Variants in GLIS3 observed in about 807,000 individuals in gnomAD.
The protein encoded by GLIS3 is GLIS family zinc finger 3, also known as zinc finger protein GLIS3.
Under a neutral mutation model 78.6 loss-of-function variants are expected in GLIS3, and 53 were observed. The observed-to-expected ratio is 0.67, with a 90% CI of 0.54 to 0.85. The LOEUF is 0.85. GLIS3 is among the 40% of genes least tolerant of loss of function. The probability of loss-of-function intolerance (pLI) is 0.00; values close to 1 mark genes in which losing one functional copy is unlikely to be tolerated. For missense variants in GLIS3, 1,703 were observed against 1,231.1 expected (o/e 1.38, Z -5.74); for synonymous variants, 684 against 509.9 (o/e 1.34, Z -4.60).
intron 4 of GLIS3, among the ~76,000 whole-genome samples, chr9:3,993,223 C>T (rs1381088502): frequency 6.6e-6 from 1 of 152,168 alleles, no homozygotes; most frequent in Non-Finnish European, 1.5e-5. Flanking sequence ...TCTGCCATTG[C>T]CTCATACTGT....
chr9:4,082,909 A>G (rs1269081771), intron 4 of GLIS3, among the ~76,000 whole-genome samples: 2 of 152,154 alleles, frequency 1.3e-5, no homozygotes, highest in African/African-American at 2.4e-5. Context: ...TCCAAGGCCC[A>G]TGGTCATAAA....
the GLIS3 span, among the ~76,000 whole-genome samples, chr9:4,477,290 A>G: frequency 1.3e-5 from 2 of 151,660 alleles, no homozygotes; most frequent in African/African-American, 4.8e-5. Context: ...GACATGATGC[A>G]AATTGAAATT....
chr9:4,437,870 CTTAG>C, the GLIS3 span, among the ~76,000 whole-genome samples: 382 of 152,210 alleles, frequency 2.5e-3, 3 homozygotes, highest in Non-Finnish European at 3.6e-3. Flanking sequence ...ATAATATTTT[CTTAG>C]TTACTCTATT....
chr9:4,206,217 G>A (rs1453177302), intron 2 of GLIS3, among the ~76,000 whole-genome samples: 1 of 152,144 alleles, frequency 6.6e-6, no homozygotes, highest in Non-Finnish European at 1.5e-5. Context: ...TATTGCAAGT[G>A]AGTATTAGCT....
intron 7 of GLIS3, among the ~76,000 whole-genome samples, chr9:3,889,834 T>C (rs921902867): frequency 3.9e-5 from 6 of 152,226 alleles, no homozygotes; most frequent in African/African-American, 1.4e-4. Flanking sequence ...TCTCAGGCCA[T>C]GCAAAATCAC....
the GLIS3 span, among the ~76,000 whole-genome samples, chr9:4,379,974 G>C: frequency 4.6e-4 from 4 of 8,692 alleles, no homozygotes; most frequent in African/African-American, 5.0e-4. Context: ...AGACCCCCAG[G>C]AGGACTTGGG....
At chr9:4,192,362 G>A (rs1818404789) in intron 2 of GLIS3, among the ~76,000 whole-genome samples, 3 of 152,206 alleles carry the variant, frequency 2.0e-5, no homozygotes, top group Admixed American at 2.0e-4. Context: ...TCAGTGACAT[G>A]ATGCCTCAAA....
At chr9:4,351,226 G>A (rs1470964646), upstream of GLIS3, among the ~76,000 whole-genome samples, 1 of 152,048 alleles carries the variant, frequency 6.6e-6, no homozygotes. Flanking sequence ...CTGGGAGACA[G>A]AGTGAGACTC....
chr9:3,954,627 G>C (rs959489203), intron 4 of GLIS3, among the ~76,000 whole-genome samples: 1 of 152,132 alleles, frequency 6.6e-6, no homozygotes, highest in African/African-American at 2.4e-5. Context: ...GCACTTCCAA[G>C]CTCAGTAAAT....
the GLIS3 span, among the ~76,000 whole-genome samples, chr9:4,368,838 C>A: frequency 6.6e-6 from 1 of 152,102 alleles, no homozygotes; most frequent in East Asian, 1.9e-4. Context: ...CAAAGTGGAA[C>A]TGGTGTCTAA....
intron 4 of GLIS3, among the ~76,000 whole-genome samples, chr9:3,981,161 T>G (rs1053485599): frequency 2.0e-5 from 3 of 152,242 alleles, no homozygotes; most frequent in African/African-American, 7.2e-5. Context: ...TGTTAAAACC[T>G]TAGCCCTCTG....
intron 6 of GLIS3, among the ~76,000 whole-genome samples, chr9:3,929,457 T>A (rs143585098): frequency 6.6e-6 from 1 of 152,268 alleles, no homozygotes; most frequent in Non-Finnish European, 1.5e-5. Context: ...GTGCCCACGG[T>A]CAGGGCATCA....
At chr9:4,374,561 C>G in the GLIS3 span, among the ~76,000 whole-genome samples, 2 of 152,250 alleles carry the variant, frequency 1.3e-5, no homozygotes, top group Admixed American at 6.5e-5. Flanking sequence ...TGGCGGCTGT[C>G]TCTCTCACAT....
At chr9:4,037,547 AACACACACACACACACACAC>A (rs56254712) in intron 4 of GLIS3, among the ~76,000 whole-genome samples, 12 of 147,486 alleles carry the variant, frequency 8.1e-5, no homozygotes, top group African/African-American at 2.5e-4. Context: ...GTGTGCACAC[AACACACACACACACACACAC>A]ACACACACAC....
chr9:4,226,537 AG>A (rs1339978986), intron 2 of GLIS3, among the ~76,000 whole-genome samples: 2 of 152,038 alleles, frequency 1.3e-5, no homozygotes, highest in South Asian at 2.1e-4. Context: ...CCTAAGGGGG[AG>A]GGAATGGTAA....
chr9:4,344,496 T>C (rs1378647050), intron 2 of GLIS3, among the ~76,000 whole-genome samples: 1 of 152,232 alleles, frequency 6.6e-6, no homozygotes, highest in Non-Finnish European at 1.5e-5. Flanking sequence ...CACCTCTAAG[T>C]GTAAAGTAAC....
the GLIS3 span, among the ~76,000 whole-genome samples, chr9:4,488,913 C>T: frequency 6.6e-6 from 1 of 151,926 alleles, no homozygotes; most frequent in Admixed American, 6.6e-5. Flanking sequence ...GTCGCCTAGG[C>T]TGGAGCGCAG....
At chr9:4,137,810 T>C (rs906515142) in intron 2 of GLIS3, among the ~76,000 whole-genome samples, 1 of 152,322 alleles carries the variant, frequency 6.6e-6, no homozygotes. Context: ...ACTCTTAGTA[T>C]AGCAAGAGTG....
chr9:3,885,537 G>A (rs962516841), intron 7 of GLIS3, among the ~76,000 whole-genome samples: 1 of 152,194 alleles, frequency 6.6e-6, no homozygotes, highest in Non-Finnish European at 1.5e-5. Flanking sequence ...ATTATTGCTT[G>A]GTGGCTGGAA....
Sources: gnomAD v4.1 joint callset for allele counts (sites outside exome capture counted in the v4.1 genomes callset) on GRCh38, gnomAD v4.1.1 for gene constraint, MANE v1.5 for transcripts, NCBI Gene and HGNC (gene_info 2026-07-23, HGNC 2026-07-21) for gene names.